PARD3: variants seen among roughly 807,000 people sequenced by gnomAD.
The protein encoded by PARD3 is partitioning defective 3 homolog.
PARD3 carries 75 observed loss-of-function variants against 155.4 expected under a neutral mutation model. The ratio of observed to expected loss-of-function variants is 0.48; its 90% CI spans 0.40 to 0.58. The LOEUF is 0.58. Among genes scored for constraint, PARD3 ranks in the 20% least tolerant of loss-of-function variants. PARD3 has a pLI of 0.00. For missense variants in PARD3, 1,642 were observed against 1,721.7 expected, an observed-to-expected ratio of 0.95 and a Z score of 0.82; for synonymous variants, 576 against 610.5, an observed-to-expected ratio of 0.94 and a Z score of 0.83.
chr10:34,307,134 C>T (rs1957456357), intron 20 of PARD3, among the ~76,000 whole-genome samples: 1 of 152,158 alleles, frequency 6.6e-6, no homozygotes, highest in South Asian at 2.1e-4. Flanking sequence ...TCGTGATCCG[C>T]CCACCTCGGC....
intron 1 of PARD3, among the ~76,000 whole-genome samples, chr10:34,789,426 C>T (rs1841384593): frequency 6.6e-6 from 1 of 152,126 alleles, no homozygotes; most frequent in African/African-American, 2.4e-5. Flanking sequence ...GGTCAGGTGC[C>T]ATGACTCACA....
At chr10:34,224,702 A>G (rs998820529) in intron 22 of PARD3, among the ~76,000 whole-genome samples, 3 of 152,218 alleles carry the variant, frequency 2.0e-5, no homozygotes, top group African/African-American at 7.2e-5. Flanking sequence ...TCGGCCAAAC[A>G]AAGCGCAGAA....
At chr10:34,600,663 T>A (rs1590176003) in intron 2 of PARD3, among the ~76,000 whole-genome samples, 1 of 152,332 alleles carries the variant, frequency 6.6e-6, no homozygotes, top group East Asian at 1.9e-4. Context: ...AAATTAGTCT[T>A]GTTTTTATGA....
chr10:34,596,236 C>CTTTT (rs397844990), intron 2 of PARD3, among the ~76,000 whole-genome samples: 1 of 147,670 alleles, frequency 6.8e-6, no homozygotes, highest in African/African-American at 2.5e-5. Context: ...CAAATTTTTA[C>CTTTT]TTTTTTTTTT....
chr10:34,428,131 C>T (rs528199724), intron 5 of PARD3, among the ~76,000 whole-genome samples: 4 of 152,246 alleles, frequency 2.6e-5, no homozygotes, highest in East Asian at 1.9e-4. Flanking sequence ...GAATCTCTCC[C>T]GATCAACAAA....
intron 2 of PARD3, among the ~76,000 whole-genome samples, chr10:34,664,468 T>A (rs181753779): frequency 1.3e-5 from 2 of 151,762 alleles, no homozygotes; most frequent in African/African-American, 4.8e-5. Context: ...CCCAAAGTGC[T>A]GGGATTATAG....
At chr10:34,296,174 G>A (rs900921161) in intron 20 of PARD3, among the ~76,000 whole-genome samples, 3 of 152,186 alleles carry the variant, frequency 2.0e-5, no homozygotes, top group African/African-American at 7.2e-5. Context: ...AGTTCATGAA[G>A]TAAACTATAT....
At chr10:34,749,741 C>T (rs546315591) in intron 1 of PARD3, among the ~76,000 whole-genome samples, 15 of 152,080 alleles carry the variant, frequency 9.9e-5, no homozygotes, top group Non-Finnish European at 1.9e-4. Context: ...ATATATAAGG[C>T]CAGGCACAGT....
At chr10:34,237,316 T>G (rs1307547532) in intron 22 of PARD3, among the ~76,000 whole-genome samples, 1 of 152,200 alleles carries the variant, frequency 6.6e-6, no homozygotes, top group Non-Finnish European at 1.5e-5. Flanking sequence ...ACTTTGAAGC[T>G]AGAGCACATG....
intron 2 of PARD3, among the ~76,000 whole-genome samples, chr10:34,658,639 G>A: frequency 6.6e-6 from 1 of 152,112 alleles, no homozygotes; most frequent in African/African-American, 2.4e-5. Flanking sequence ...AAAACGAGAA[G>A]GAACTGCCAA....
intron 5 of PARD3, 137 bp downstream of exon 5, chr10:34,450,180 G>T: frequency 1.4e-6 from 1 of 726,428 alleles, no homozygotes; most frequent in South Asian, 2.1e-5. Context: ...CTCTGACATA[G>T]AGATTGGTAC....
intron 2 of PARD3, among the ~76,000 whole-genome samples, chr10:34,664,439 G>T (rs2093401496): frequency 6.6e-6 from 1 of 151,968 alleles, no homozygotes; most frequent in East Asian, 1.9e-4. Context: ...CTGACCTTGT[G>T]ATCCGCCCAC....
intron 5 of PARD3, among the ~76,000 whole-genome samples, chr10:34,428,029 T>C (rs2075711591): frequency 1.3e-5 from 2 of 152,072 alleles, no homozygotes; most frequent in South Asian, 4.1e-4. Flanking sequence ...CCAAGGCTCT[T>C]GCAAGGTGAG....
chr10:34,435,635 C>T (rs1022104956), intron 5 of PARD3, among the ~76,000 whole-genome samples: 2 of 152,186 alleles, frequency 1.3e-5, no homozygotes, highest in African/African-American at 2.4e-5. Flanking sequence ...TCGAGAAAAA[C>T]ATAGTATGTT....
At chr10:34,782,942 C>T (rs1364499217) in intron 1 of PARD3, among the ~76,000 whole-genome samples, 1 of 152,092 alleles carries the variant, frequency 6.6e-6, no homozygotes, top group Non-Finnish European at 1.5e-5. Context: ...CCAGGCTGGT[C>T]TCGAACTCCT....
intron 5 of PARD3, among the ~76,000 whole-genome samples, chr10:34,441,050 TATTCTA>T (rs2076436493): frequency 1.3e-5 from 2 of 152,202 alleles, no homozygotes; most frequent in South Asian, 4.1e-4. Flanking sequence ...GGTTAAATTT[TATTCTA>T]ATTCTGAGAA....
intron 3 of PARD3, among the ~76,000 whole-genome samples, chr10:34,510,641 TTAAA>T (rs2081349998): frequency 6.6e-6 from 1 of 152,112 alleles, no homozygotes; most frequent in African/African-American, 2.4e-5. Context: ...AGAAAAGTAA[TTAAA>T]TAAACCTTCA....
intron 22 of PARD3, among the ~76,000 whole-genome samples, chr10:34,217,957 T>C (rs1201841440): frequency 6.6e-6 from 1 of 152,182 alleles, no homozygotes; most frequent in Non-Finnish European, 1.5e-5. Flanking sequence ...ACTGGACACA[T>C]TGGGGGGCAG....
intron 1 of PARD3, among the ~76,000 whole-genome samples, chr10:34,760,176 G>C (rs1483373516): frequency 2.0e-5 from 2 of 100,158 alleles, no homozygotes; most frequent in Non-Finnish European, 4.5e-5. Flanking sequence ...TTTTTTGGCA[G>C]GCGGGGTGTG....
Sources: gnomAD v4.1 joint callset for allele counts (sites outside exome capture counted in the v4.1 genomes callset) on GRCh38, gnomAD v4.1.1 for gene constraint, MANE v1.5 for transcripts, NCBI Gene and HGNC (gene_info 2026-07-23, HGNC 2026-07-21) for gene names.